Variants in DHX9 observed in about 807,000 individuals in gnomAD.
DHX9 encodes ATP-dependent RNA helicase A.
A neutral mutation model predicts 148.7 loss-of-function variants in DHX9; 27 were observed. The observed-to-expected ratio is 0.18, with a 90% CI of 0.13 to 0.25. DHX9 has a LOEUF of 0.25. DHX9 is among the 10% of genes least tolerant of loss of function. The pLI is 1.00. For synonymous variants in DHX9, 529 were observed against 516.6 expected, an observed-to-expected ratio of 1.02 and a Z score of -0.33; for missense variants, 796 against 1,559.6, an observed-to-expected ratio of 0.51 and a Z score of 8.25.
intron 19 of DHX9, 188 bp from the exon 20 acceptor site, chr1:182,877,833 C>CTT: frequency 3.0e-6 from 2 of 667,990 alleles, no homozygotes; most frequent in Non-Finnish European, 4.8e-6. Context: ...GTTACATTGC[C>CTT]TTTTAGTAGG....
At chr1:182,872,266 A>G (rs1400831998) in intron 14 of DHX9, 71 bp from the exon 15 acceptor site, 1 of 1,319,614 alleles carries the variant, frequency 7.6e-7, no homozygotes, top group Non-Finnish European at 1.1e-6. Context: ...ATGGCTGTAT[A>G]ACTCTTTTAG....
chr1:182,844,722 C>T (rs1259145800), intron 3 of DHX9, among the ~76,000 whole-genome samples: 6 of 152,104 alleles, frequency 3.9e-5, no homozygotes, highest in South Asian at 2.1e-4. Flanking sequence ...TTAGTAGAGA[C>T]GGGGTTTTAC....
chr1:182,839,724 C>A (rs540291581), intron 1 of DHX9: 1 of 152,312 alleles, frequency 6.6e-6, no homozygotes. Context: ...AGGCAAAGCG[C>A]GCTTCCTCCT....
chr1:182,858,969 G>A (rs750206452), intron 10 of DHX9, 71 bp from the exon 11 acceptor site: 25 of 1,610,236 alleles, frequency 1.6e-5, no homozygotes, highest in Non-Finnish European at 2.1e-5. Flanking sequence ...GTATGTCTAG[G>A]TAAAAAATGG....
chr1:182,842,783 A>T (rs1667955506), intron 2 of DHX9, 106 bp downstream of exon 2: 1 of 773,690 alleles, frequency 1.3e-6, no homozygotes, highest in Admixed American at 3.1e-5. Flanking sequence ...ACATTAGGAA[A>T]CGACAGTTCT....
At chr1:182,883,852 T>C (rs1649200525) in intron 26 of DHX9, among the ~76,000 whole-genome samples, 1 of 151,590 alleles carries the variant, frequency 6.6e-6, no homozygotes, top group African/African-American at 2.4e-5. Flanking sequence ...AGAATCTAAG[T>C]GAAGCTTGAG....
intron 3 of DHX9, among the ~76,000 whole-genome samples, chr1:182,848,239 T>C (rs1668067869): frequency 6.6e-6 from 1 of 152,240 alleles, no homozygotes; most frequent in Non-Finnish European, 1.5e-5. Flanking sequence ...TTTAACTCAG[T>C]GTTTCTCAAC....
rs1007064648 is a variant in DHX9, at chr1:182,878,172, A to C, written c.2350A>C (p.Arg784=). Residue 784 remains arginine, a splice_region_variant and synonymous_variant, in exon 20 of 28, where the codon AGA becomes CGA. Transcript: ENST00000367549. The stretch of plus-strand genomic sequence containing the variant: ...CCTGTGCAGCCGAGCTCGTTTTGAG[A>C]GGTAAGACCCATTCTTGACCTTTAG... ...FHLCSRARFE[R]LETHMTPEMF... The C allele has an allele frequency of 6.2e-7, 1 of 1,613,946 alleles. No homozygotes were observed. Among genetic ancestry groups the C allele is most frequent in the African/African-American group, 1.3e-5 (1 of 74,902 alleles).
chr1:182,852,927 T>C (rs978419898), intron 4 of DHX9, among the ~76,000 whole-genome samples: 3 of 152,040 alleles, frequency 2.0e-5, no homozygotes, highest in African/African-American at 7.3e-5. Context: ...TAGTATCTAC[T>C]TCATATGATT....
chr1:182,847,902 G>A (rs941889465), intron 3 of DHX9, among the ~76,000 whole-genome samples: 1 of 152,062 alleles, frequency 6.6e-6, no homozygotes, highest in Non-Finnish European at 1.5e-5. Context: ...TATTTTACCT[G>A]CAGGAGGGTC....
rs772750273 is a variant in DHX9, at chr1:182,876,492, G to A, written c.2075G>A (p.Arg692Gln). 2 of 1,613,076 alleles carry A rather than the reference G, an allele frequency of 1.2e-6. No individual in the cohort carries two copies. The highest frequency in any genetic ancestry group is 1.1e-5 in the South Asian group (1 of 91,034). The part of the protein sequence containing the change: ...QILPLHSQIP[R>Q]EEQRKVFDPV... Reference sequence around the variant, plus strand: ...CTACCCCTGCATTCTCAGATTCCTCGAGAGGAACAGCGCAAAGTGTTTGAT... The same window carrying A: ...CTACCCCTGCATTCTCAGATTCCTCAAGAGGAACAGCGCAAAGTGTTTGAT... The change falls in exon 18 of 28, where the codon CGA becomes CAA. Residue 692 changes from arginine (R) to glutamine (Q), a missense_variant. Physicochemically the swap from Arg to Gln is conservative, Grantham distance 43. Coordinates refer to ENST00000367549, the MANE Select transcript of DHX9 (RefSeq NM_001357.5).
At chr1:182,884,299 A>G (rs1352882280) in intron 26 of DHX9, among the ~76,000 whole-genome samples, 4 of 151,976 alleles carry the variant, frequency 2.6e-5, no homozygotes, top group African/African-American at 4.8e-5. Context: ...AATGATCCAT[A>G]TTGCTGGACT....
At chr1:182,886,377 G>A (rs951557834) in intron 27 of DHX9, among the ~76,000 whole-genome samples, 12 of 151,740 alleles carry the variant, frequency 7.9e-5, no homozygotes, top group Non-Finnish European at 1.5e-5. Flanking sequence ...TGTATTTTTA[G>A]TAGAAACAGG....
intron 4 of DHX9, among the ~76,000 whole-genome samples, chr1:182,852,823 T>C (rs889558057): frequency 3.9e-5 from 6 of 152,232 alleles, no homozygotes; most frequent in African/African-American, 1.4e-4. Flanking sequence ...ATTTACTGTA[T>C]AGTCACAGCT....
intron 1 of DHX9, among the ~76,000 whole-genome samples, chr1:182,840,757 GAC>G: frequency 6.6e-6 from 1 of 152,332 alleles, no homozygotes; most frequent in Middle Eastern, 3.4e-3. Flanking sequence ...GATATTGTTT[GAC>G]ACACATTAAG....
chr1:182,843,213 T>A (rs1667963370), intron 2 of DHX9, 81 bp from the exon 3 acceptor site: 2 of 1,136,348 alleles, frequency 1.8e-6, no homozygotes, highest in African/African-American at 1.6e-5. Context: ...TGTTGTCTCT[T>A]AATGGACTAC....
At chr1:182,858,963 G>C in intron 10 of DHX9, 69 bp downstream of exon 10, 2 of 1,610,106 alleles carry the variant, frequency 1.2e-6, no homozygotes, top group Non-Finnish European at 1.7e-6. Context: ...TGATTAGTAT[G>C]TCTAGGTAAA....
chr1:182,850,649 A>G (rs1033151097), intron 3 of DHX9, among the ~76,000 whole-genome samples: 1 of 152,172 alleles, frequency 6.6e-6, no homozygotes, highest in African/African-American at 2.4e-5. Flanking sequence ...AGAAAAAGAA[A>G]TAAATGGACT....
chr1:182,877,967 A>C (rs577905700), intron 19 of DHX9, 54 bp from the exon 20 acceptor site: 1 of 1,595,442 alleles, frequency 6.3e-7, no homozygotes, highest in South Asian at 1.1e-5. Flanking sequence ...TGGATATATA[A>C]TAGTTATTGA....
Sources: allele counts gnomAD v4.1 joint callset (sites outside exome capture counted in the v4.1 genomes callset), GRCh38; gene constraint gnomAD v4.1.1; transcripts MANE v1.5; gene names NCBI Gene and HGNC (gene_info 2026-07-23, HGNC 2026-07-21).